ERC2: variants seen among roughly 807,000 people sequenced by gnomAD.
ERC2 encodes ERC protein 2.
In ERC2, 42 loss-of-function variants were observed where a neutral mutation model predicts 114.8. The observed-to-expected ratio is 0.37, with a 90% CI of 0.29 to 0.47. The LOEUF (loss-of-function observed/expected upper bound fraction) is 0.47, where lower values mean the gene tolerates loss of function less well. ERC2 is among the 20% of genes least tolerant of loss of function. ERC2 has a pLI of 0.99. For missense variants in ERC2, 939 were observed against 1,150.7 expected (o/e 0.82, Z 2.66); for synonymous variants, 454 against 425.5 (o/e 1.07, Z -0.82).
At position 56,209,112 on chromosome 3, in the gene ERC2, C is replaced by T. The variant is rs562049010; in HGVS notation, c.1075-35592G>A. Among the ~76,000 whole-genome samples the T allele has an allele frequency of 2.6e-5, 4 of 152,288 alleles. No individual in the cohort carries two copies. In the South Asian group the frequency reaches 8.3e-4, roughly 32 times the overall value. On this transcript the variant is annotated intron_variant, in intron 3 of 17. Transcript: ENST00000288221. ...AAGCATCTCAAGGCAGCACTTGAGG[C>T]CTTTTTGCCACTCTGCCCAGCCTCC...
intron 12 of ERC2, among the ~76,000 whole-genome samples, chr3:55,966,604 G>A (rs781210283): frequency 5.3e-5 from 8 of 152,246 alleles, no homozygotes; most frequent in Admixed American, 2.0e-4. Flanking sequence ...GGAAAGCAAC[G>A]TGCTTAGAAG....
intron 17 of ERC2, among the ~76,000 whole-genome samples, chr3:55,660,030 C>T (rs984611721): frequency 6.6e-6 from 1 of 152,132 alleles, no homozygotes; most frequent in African/African-American, 2.4e-5. Context: ...CCTGGAAGAT[C>T]TATGAGTATG....
chr3:56,075,787 G>A (rs1005309200), intron 7 of ERC2, among the ~76,000 whole-genome samples: 1 of 152,260 alleles, frequency 6.6e-6, no homozygotes, highest in African/African-American at 2.4e-5. Context: ...CCAATAATAA[G>A]TATAAAAGCT....
At chr3:55,643,673 A>C (rs2060278921) in intron 17 of ERC2, among the ~76,000 whole-genome samples, 2 of 152,196 alleles carry the variant, frequency 1.3e-5, no homozygotes, top group African/African-American at 2.4e-5. Context: ...GCACAGAGAA[A>C]ACTTTAGCTA....
intron 7 of ERC2, among the ~76,000 whole-genome samples, chr3:56,037,252 A>G (rs2074866145): frequency 6.6e-6 from 1 of 152,216 alleles, no homozygotes; most frequent in Non-Finnish European, 1.5e-5. Context: ...AATGAACTTC[A>G]CTGCGCTAAA....
At chr3:55,520,588 T>C (rs1341390069) in intron 17 of ERC2, among the ~76,000 whole-genome samples, 2 of 152,194 alleles carry the variant, frequency 1.3e-5, no homozygotes, top group Non-Finnish European at 2.9e-5. Context: ...AGAGGCCTTC[T>C]TTCAGAAAAA....
intron 7 of ERC2, among the ~76,000 whole-genome samples, chr3:56,065,427 C>A (rs377313140): frequency 2.0e-5 from 3 of 151,832 alleles, no homozygotes; most frequent in Non-Finnish European, 4.4e-5. Flanking sequence ...TCACTCTGTT[C>A]CCCGGGCTGC....
At chr3:55,624,011 G>A (rs185930809) in intron 17 of ERC2, among the ~76,000 whole-genome samples, 11 of 152,282 alleles carry the variant, frequency 7.2e-5, no homozygotes, top group Admixed American at 1.3e-4. Flanking sequence ...ATCTGCCAAC[G>A]GTGATCAAGA....
chr3:56,018,633 G>A lies in ERC2; in HGVS notation c.1779+261C>T, dbSNP rs558307647. On this transcript the variant is annotated intron_variant, in intron 8 of 17. Transcript: ENST00000288221. Reference sequence around the variant, plus strand: ...GTAGAGGATTTCAAATTATATCATCGTAAGAGCAATGGCAAGCTAGTGAAG... The same window carrying A: ...GTAGAGGATTTCAAATTATATCATCATAAGAGCAATGGCAAGCTAGTGAAG... Among the ~76,000 whole-genome samples the A allele has an allele frequency of 3.3e-5, 5 of 152,212 alleles. No individual in the cohort carries two copies. The East Asian group carries it at 5.8e-4, about 18-fold the overall frequency.
chr3:55,889,475 A>AT (rs1269206765), intron 13 of ERC2, among the ~76,000 whole-genome samples: 1 of 152,186 alleles, frequency 6.6e-6, no homozygotes. Flanking sequence ...CAGACTATCA[A>AT]ATATCCACGG....
At chr3:56,403,649 C>A (rs1031890968) in intron 2 of ERC2, among the ~76,000 whole-genome samples, 5 of 152,194 alleles carry the variant, frequency 3.3e-5, no homozygotes, top group Admixed American at 3.3e-4. Flanking sequence ...ACGAGATCCC[C>A]AGGTAATTAG....
intron 17 of ERC2, among the ~76,000 whole-genome samples, chr3:55,553,342 G>T (rs1575565106): frequency 6.6e-6 from 1 of 151,682 alleles, no homozygotes; most frequent in Non-Finnish European, 1.5e-5. Flanking sequence ...TTTTTCTTAT[G>T]ATGATAACAA....
intron 14 of ERC2, among the ~76,000 whole-genome samples, chr3:55,807,682 G>T (rs568845146): frequency 6.6e-6 from 1 of 152,286 alleles, no homozygotes; most frequent in South Asian, 2.1e-4. Flanking sequence ...CAATAAGATG[G>T]AAGGAACCTG....
At chr3:55,958,884 C>A (rs989295473) in intron 12 of ERC2, among the ~76,000 whole-genome samples, 1 of 152,108 alleles carries the variant, frequency 6.6e-6, no homozygotes, top group Non-Finnish European at 1.5e-5. Flanking sequence ...ATGCATGGGC[C>A]CAGAGCCACA....
At chr3:56,394,149 C>T (rs998208627) in intron 2 of ERC2, among the ~76,000 whole-genome samples, 11 of 152,120 alleles carry the variant, frequency 7.2e-5, no homozygotes, top group African/African-American at 2.7e-4. Flanking sequence ...TTTACCAAAG[C>T]AGAAGTGAAA....
chr3:55,725,023 A>G (rs2064822452), intron 15 of ERC2, among the ~76,000 whole-genome samples: 1 of 152,202 alleles, frequency 6.6e-6, no homozygotes, highest in African/African-American at 2.4e-5. Flanking sequence ...TGAAATTTGA[A>G]TAAAAAGAGA....
intron 17 of ERC2, among the ~76,000 whole-genome samples, chr3:55,548,474 T>A (rs967814114): frequency 1.3e-5 from 2 of 152,186 alleles, no homozygotes; most frequent in African/African-American, 4.8e-5. Flanking sequence ...TACTCTTAAT[T>A]TGCCCATTCA....
chr3:56,399,083 C>A lies in ERC2; in HGVS notation c.657+35268G>T, dbSNP rs144979696. Among the ~76,000 whole-genome samples the A allele has an allele frequency of 7.2e-5, 11 of 152,308 alleles. No individual in the cohort carries two copies. The East Asian group carries it at 1.9e-3, about 27-fold the overall frequency. ...GGAGCCAACAAAGCATACTACAAATCCCCAGGCAAACAAAATACCTTCCTA... is the reference window on the plus strand; with the variant it reads ...GGAGCCAACAAAGCATACTACAAATACCCAGGCAAACAAAATACCTTCCTA... On this transcript the variant is annotated intron_variant, in intron 2 of 17. Coordinates refer to ENST00000288221, the MANE Select transcript of ERC2 (RefSeq NM_015576.3).
chr3:55,839,263 TAA>T (rs2061027413), intron 14 of ERC2, among the ~76,000 whole-genome samples: 1 of 151,642 alleles, frequency 6.6e-6, no homozygotes, highest in Admixed American at 6.6e-5. Context: ...GAAGATGAAA[TAA>T]AGACTTCTTC....
Sources: gnomAD v4.1 joint callset for allele counts (sites outside exome capture counted in the v4.1 genomes callset) on GRCh38, gnomAD v4.1.1 for gene constraint, MANE v1.5 for transcripts, NCBI Gene and HGNC (gene_info 2026-07-23, HGNC 2026-07-21) for gene names.